ARF4: variants seen among roughly 807,000 people sequenced by gnomAD.
ARF4 encodes ARF GTPase 4, also known as ADP-ribosylation factor 4.
Under a neutral mutation model 24.3 loss-of-function variants are expected in ARF4, and 5 were observed. The observed-to-expected ratio is 0.21, with a 90% CI of 0.11 to 0.43. The LOEUF is 0.43. Among genes scored for constraint, ARF4 ranks in the 20% least tolerant of loss-of-function variants. ARF4 has a pLI of 1.00. For missense variants in ARF4, 107 were observed against 213.0 expected (o/e 0.50, Z 3.10); for synonymous variants, 62 against 73.5 (o/e 0.84, Z 0.80).
intron 1 of ARF4, among the ~76,000 whole-genome samples, chr3:57,589,809 C>T (rs1396308490): frequency 6.6e-6 from 1 of 151,002 alleles, no homozygotes; most frequent in Admixed American, 6.6e-5. Context: ...AAAGTTAGAT[C>T]CAGCCGGGCA....
At position 57,583,989 on chromosome 3, in the gene ARF4, A is replaced by G. The variant is rs1281054796; in HGVS notation, c.167T>C (p.Val56Ala). Residue 56 changes from valine to alanine, a missense_variant, in exon 3 of 6, where the codon GTA (valine) becomes GCA (alanine). By Grantham distance (64) the Val-to-Ala change is moderately conservative. Coordinates refer to ENST00000303436, the MANE Select transcript of ARF4 (RefSeq NM_001660.4). ...IPTIGFNVET[V>A]EYKNICFTVW... ...TGTGAAACAAATGTTCTTATATTCT[A>G]CTGTTTCCACATTAAAACCTACAAA... The G allele has an allele frequency of 6.2e-7, 1 of 1,610,862 alleles. No homozygotes were observed.
At chr3:57,590,357 G>C (rs192693889) in intron 1 of ARF4, among the ~76,000 whole-genome samples, 1 of 150,836 alleles carries the variant, frequency 6.6e-6, no homozygotes, top group Non-Finnish European at 1.5e-5. Flanking sequence ...GCAGTGGCGG[G>C]TGCCTGTAAT....
intron 4 of ARF4, among the ~76,000 whole-genome samples, chr3:57,576,878 T>C (rs1056655429): frequency 6.6e-6 from 1 of 152,142 alleles, no homozygotes; most frequent in Admixed American, 6.6e-5. Flanking sequence ...GAAGTAATTA[T>C]TGGCACAGCA....
intron 5 of ARF4, among the ~76,000 whole-genome samples, chr3:57,574,408 ATTT>A (rs71088093): frequency 6.9e-6 from 1 of 145,262 alleles, no homozygotes. Flanking sequence ...AGAAGTACAA[ATTT>A]TTTTTTTTTT....
In ARF4 at chr3:57,577,476, A is replaced by G. The variant is rs184653442; in HGVS notation, c.259-89T>C. The G allele has an allele frequency of 3.0e-3, 2,850 of 953,696 alleles. 9 individuals are homozygous for G. The highest frequency in any genetic ancestry group is 3.9e-3 in the Non-Finnish European group (2,370 of 606,316). 59.1% of individuals were successfully genotyped at this position (953,696 alleles called of 1,614,324 possible). A position where few individuals can be genotyped will look rare whatever the true frequency, so the allele number is the denominator to read the frequency against. ...AGGCAGCAAAATGGTACCAATGGTTAGACATTAGGAAGAAAATGTCTCTTT... is the reference window on the plus strand; with the variant it reads ...AGGCAGCAAAATGGTACCAATGGTTGGACATTAGGAAGAAAATGTCTCTTT... On this transcript the variant is annotated intron_variant, in intron 3 of 5. Coordinates refer to ENST00000303436, the MANE Select transcript of ARF4 (RefSeq NM_001660.4).
chr3:57,591,284 AAAC>A (rs1239101535), intron 1 of ARF4, among the ~76,000 whole-genome samples: 1 of 152,190 alleles, frequency 6.6e-6, no homozygotes, highest in East Asian at 1.9e-4. Flanking sequence ...TAGAAAGTGA[AAAC>A]AACCTAATTT....
At chr3:57,584,349 T>C (rs1029307685) in intron 2 of ARF4, 35 bp downstream of exon 2, 1 of 1,476,594 alleles carries the variant, frequency 6.8e-7, no homozygotes, top group South Asian at 1.2e-5. Context: ...CTTTACAACA[T>C]ATCATGATAT....
At chr3:57,592,815 C>A (rs886418842) in intron 1 of ARF4, among the ~76,000 whole-genome samples, 1 of 151,994 alleles carries the variant, frequency 6.6e-6, no homozygotes, top group Non-Finnish European at 1.5e-5. Flanking sequence ...AACCAATAAC[C>A]TGAGAAAATG....
intron 1 of ARF4, among the ~76,000 whole-genome samples, chr3:57,589,177 A>G (rs920417850): frequency 6.6e-6 from 1 of 151,600 alleles, no homozygotes; most frequent in Non-Finnish European, 1.5e-5. Flanking sequence ...CTGAGATGGG[A>G]GGATCACTTG....
At position 57,584,102 on chromosome 3, in the gene ARF4, C is replaced by T. The variant is rs1049681565; in HGVS notation, c.149-95G>A. 274 of 866,524 alleles carry T rather than the reference C, an allele frequency of 3.2e-4. 1 individual carries two copies. Among genetic ancestry groups the T allele is most frequent in the South Asian group, 4.9e-5 (3 of 61,782 alleles). 53.7% of individuals were successfully genotyped at this position (866,524 alleles called of 1,614,324 possible). A position where few individuals can be genotyped will look rare whatever the true frequency, so the allele number is the denominator to read the frequency against. ...TTCTTAGAATAGTGTTTTTAAAGTACTTCTTTTTATTTTTAAAAAATATAT... is the reference window on the plus strand; with the variant it reads ...TTCTTAGAATAGTGTTTTTAAAGTATTTCTTTTTATTTTTAAAAAATATAT... On this transcript the variant is annotated intron_variant, in intron 2 of 5. Coordinates refer to ENST00000303436, the MANE Select transcript of ARF4 (RefSeq NM_001660.4).
intron 4 of ARF4, 55 bp downstream of exon 4, chr3:57,577,261 G>A: frequency 6.9e-7 from 1 of 1,444,912 alleles, no homozygotes; most frequent in Non-Finnish European, 9.7e-7. Flanking sequence ...ACCACCACCA[G>A]TTTAATCCAG....
chr3:57,596,615 CA>C (rs1405481849), intron 1 of ARF4: 1 of 154,758 alleles, frequency 6.5e-6, no homozygotes, highest in African/African-American at 2.4e-5. Context: ...GCTTACATAC[CA>C]ATGGAGTATG....
rs534079372 is a variant in ARF4, at chr3:57,571,669, T to A, written c.*543A>T. 7.2e-5 allele frequency: 11 copies of A among 152,842 alleles called. No homozygotes were observed. Among genetic ancestry groups the A allele is most frequent in the African/African-American group, 2.7e-4 (11 of 41,478 alleles). The allele number at this position is 152,842 out of a possible 1,614,324, so 9.5% of individuals were successfully genotyped here. A position where few individuals can be genotyped will look rare whatever the true frequency, so the allele number is the denominator to read the frequency against. ...AATCCAAACCCCACCAAGGTTAAGTTTGGCTGATGTAGGCCAGGAGTCAAT... is the reference window on the plus strand; with the variant it reads ...AATCCAAACCCCACCAAGGTTAAGTATGGCTGATGTAGGCCAGGAGTCAAT... On this transcript the variant is annotated 3_prime_UTR_variant, in exon 6 of 6. Transcript: ENST00000303436.
intron 1 of ARF4, chr3:57,596,527 ACT>A (rs1172685722): frequency 1.3e-5 from 2 of 152,494 alleles, no homozygotes; most frequent in Non-Finnish European, 2.9e-5. Flanking sequence ...AGGACTCCAG[ACT>A]CTTCGGAAAC....
intron 3 of ARF4, among the ~76,000 whole-genome samples, chr3:57,579,700 A>G (rs1329908780): frequency 1.3e-5 from 2 of 152,162 alleles, no homozygotes; most frequent in African/African-American, 4.8e-5. Context: ...TTGTTTTAGC[A>G]AATTGTAAGT....
intron 3 of ARF4, among the ~76,000 whole-genome samples, chr3:57,580,284 G>A (rs72872581): frequency 2.0e-5 from 3 of 151,998 alleles, no homozygotes; most frequent in African/African-American, 7.3e-5. Flanking sequence ...CAATCACAGA[G>A]ATATAAAAGA....
At chr3:57,578,402 G>A (rs1018510120) in intron 3 of ARF4, among the ~76,000 whole-genome samples, 3 of 146,990 alleles carry the variant, frequency 2.0e-5, no homozygotes, top group Admixed American at 1.3e-4. Flanking sequence ...AAAAAAAAAA[G>A]AAAGAAAAAT....
At chr3:57,594,907 C>T (rs2070162998) in intron 1 of ARF4, among the ~76,000 whole-genome samples, 1 of 152,184 alleles carries the variant, frequency 6.6e-6, no homozygotes, top group Non-Finnish European at 1.5e-5. Flanking sequence ...ATGCACATAT[C>T]TCCCTCGTAC....
At chr3:57,573,548 A>T (rs2069865248) in intron 5 of ARF4, among the ~76,000 whole-genome samples, 1 of 152,176 alleles carries the variant, frequency 6.6e-6, no homozygotes, top group Admixed American at 6.5e-5. Flanking sequence ...AACTTGTATC[A>T]TTTACAGTTA....
Sources: allele counts gnomAD v4.1 joint callset (sites outside exome capture counted in the v4.1 genomes callset), GRCh38; gene constraint gnomAD v4.1.1; transcripts MANE v1.5; gene names NCBI Gene and HGNC (gene_info 2026-07-23, HGNC 2026-07-21).